Variants in LINGO2 observed in about 807,000 individuals in gnomAD.
LINGO2 encodes leucine-rich repeat and immunoglobulin-like domain-containing nogo receptor-interacting protein 2.
In LINGO2, 14 loss-of-function variants were observed where a neutral mutation model predicts 30.6. The ratio of observed to expected loss-of-function variants is 0.46; its 90% confidence interval spans 0.30 to 0.72. The LOEUF (loss-of-function observed/expected upper bound fraction) is 0.72, where lower values mean the gene tolerates loss of function less well. Among genes scored for constraint, LINGO2 ranks in the 30% least tolerant of loss-of-function variants. The pLI is 0.07. For missense variants in LINGO2, 729 were observed against 751.7 expected, an observed-to-expected ratio of 0.97 and a Z score of 0.35; for synonymous variants, 317 against 288.5, an observed-to-expected ratio of 1.10 and a Z score of -1.00.
At chr9:28,675,200 T>A (rs779870375), upstream of LINGO2, among the ~76,000 whole-genome samples, 6 of 152,190 alleles carry the variant, frequency 3.9e-5, no homozygotes, top group Non-Finnish European at 5.9e-5. Context: ...TAGAAAGTGA[T>A]GCATTTATTT....
At chr9:28,556,563 C>A (rs1473223585) in intron 1 of LINGO2, among the ~76,000 whole-genome samples, 1 of 152,026 alleles carries the variant, frequency 6.6e-6, no homozygotes, top group Non-Finnish European at 1.5e-5. Context: ...TGAAAATGGC[C>A]ATACTGCCTA....
At chr9:29,088,261 C>T in the LINGO2 span, among the ~76,000 whole-genome samples, 2 of 152,128 alleles carry the variant, frequency 1.3e-5, no homozygotes, top group African/African-American at 4.8e-5. Flanking sequence ...ATGATCCACG[C>T]CATCTAGGTT....
At chr9:28,948,534 CAT>C in the LINGO2 span, among the ~76,000 whole-genome samples, 2 of 152,040 alleles carry the variant, frequency 1.3e-5, no homozygotes, top group Non-Finnish European at 2.9e-5. Flanking sequence ...CACACAGATA[CAT>C]ATATGCACAT....
chr9:29,164,864 A>T, the LINGO2 span, among the ~76,000 whole-genome samples: 1 of 152,136 alleles, frequency 6.6e-6, no homozygotes, highest in East Asian at 1.9e-4. Context: ...CAGTTAACTC[A>T]TTTATTCACT....
chr9:28,792,736 A>G, the LINGO2 span, among the ~76,000 whole-genome samples: 1 of 152,168 alleles, frequency 6.6e-6, no homozygotes, highest in African/African-American at 2.4e-5. Flanking sequence ...CTTAAGTGAA[A>G]TTATTTTCAT....
the LINGO2 span, among the ~76,000 whole-genome samples, chr9:29,056,952 T>C: frequency 6.6e-6 from 1 of 152,206 alleles, no homozygotes. Flanking sequence ...TCTATGTGTC[T>C]ATTTTTATAC....
the LINGO2 span, among the ~76,000 whole-genome samples, chr9:29,199,592 A>C: frequency 6.6e-6 from 1 of 152,140 alleles, no homozygotes; most frequent in Non-Finnish European, 1.5e-5. Context: ...AAGGCTGACC[A>C]ACTCCCCTTT....
chr9:29,204,074 A>T, the LINGO2 span, among the ~76,000 whole-genome samples: 1 of 152,214 alleles, frequency 6.6e-6, no homozygotes. Flanking sequence ...AGAAGAATGC[A>T]GATGATGATT....
chr9:28,811,235 T>A, the LINGO2 span, among the ~76,000 whole-genome samples: 1 of 152,128 alleles, frequency 6.6e-6, no homozygotes, highest in Admixed American at 6.6e-5. Context: ...TTCTTCTGAC[T>A]CCAAATCATA....
intron 4 of LINGO2, among the ~76,000 whole-genome samples, chr9:28,047,384 G>GT (rs1382326567): frequency 1.4e-5 from 2 of 140,914 alleles, no homozygotes; most frequent in African/African-American, 2.7e-5. Flanking sequence ...AAACAACTGA[G>GT]TTTTTTCATA....
At chr9:28,692,504 T>C in the LINGO2 span, among the ~76,000 whole-genome samples, 1 of 152,074 alleles carries the variant, frequency 6.6e-6, no homozygotes, top group South Asian at 2.1e-4. Flanking sequence ...AAAAATAAAG[T>C]GACAATTTCT....
At chr9:28,762,762 G>C in the LINGO2 span, among the ~76,000 whole-genome samples, 1 of 151,886 alleles carries the variant, frequency 6.6e-6, no homozygotes, top group South Asian at 2.1e-4. Flanking sequence ...CATCTTCTTT[G>C]TTTGCTGGCT....
At chr9:27,985,852 T>C (rs1821099251) in intron 5 of LINGO2, among the ~76,000 whole-genome samples, 1 of 151,738 alleles carries the variant, frequency 6.6e-6, no homozygotes, top group Non-Finnish European at 1.5e-5. Context: ...AGGTGAAAAT[T>C]GCAATGGTGA....
At chr9:28,929,888 G>T in the LINGO2 span, among the ~76,000 whole-genome samples, 7 of 152,134 alleles carry the variant, frequency 4.6e-5, no homozygotes, top group Admixed American at 2.0e-4. Context: ...AAAATTAATG[G>T]ATAGATGTCT....
chr9:29,130,682 C>CA, the LINGO2 span, among the ~76,000 whole-genome samples: 1 of 152,080 alleles, frequency 6.6e-6, no homozygotes. Context: ...GCACACTTTT[C>CA]AAAATTTTGT....
At chr9:28,866,848 G>A in the LINGO2 span, among the ~76,000 whole-genome samples, 6,631 of 152,196 alleles carry the variant, frequency 0.044, 229 homozygotes, top group Admixed American at 0.084. Context: ...GACAGACGTC[G>A]TTGGTGGGGT....
At chr9:27,996,038 G>C (rs1821645084) in intron 5 of LINGO2, among the ~76,000 whole-genome samples, 1 of 152,050 alleles carries the variant, frequency 6.6e-6, no homozygotes, top group Non-Finnish European at 1.5e-5. Flanking sequence ...GAAAAAAAAT[G>C]CTCACCATCA....
intron 2 of LINGO2, among the ~76,000 whole-genome samples, chr9:28,468,671 G>A (rs1310906916): frequency 6.6e-6 from 1 of 152,128 alleles, no homozygotes; most frequent in Non-Finnish European, 1.5e-5. Context: ...ACTAATACAG[G>A]TTTTTAGGAG....
the LINGO2 span, among the ~76,000 whole-genome samples, chr9:28,884,831 G>T: frequency 7.4e-6 from 1 of 135,324 alleles, no homozygotes; most frequent in South Asian, 2.3e-4. Flanking sequence ...TATTTCTTTA[G>T]CAATTGTATA....
Sources: allele counts gnomAD v4.1 joint callset (sites outside exome capture counted in the v4.1 genomes callset), GRCh38; gene constraint gnomAD v4.1.1; transcripts MANE v1.5; gene names NCBI Gene and HGNC (gene_info 2026-07-23, HGNC 2026-07-21).